RIT2: variants seen among roughly 807,000 people sequenced by gnomAD.
The protein encoded by RIT2 is Ras like without CAAX 2, also known as GTP-binding protein Rit2.
In RIT2, 24 loss-of-function variants were observed where a neutral mutation model predicts 23.7. The ratio of observed to expected loss-of-function variants is 1.01; its 90% CI spans 0.73 to 1.43. RIT2 has a LOEUF of 1.43. Ranked by LOEUF, RIT2 falls within the 40% of genes most tolerant of loss-of-function variation. The probability of loss-of-function intolerance (pLI) is 0.00; values close to 1 mark genes in which losing one functional copy is unlikely to be tolerated. For missense variants in RIT2, 236 were observed against 266.9 expected (o/e 0.88, Z 0.81); for synonymous variants, 107 against 91.1 (o/e 1.17, Z -0.99).
At chr18:42,918,717 G>A (rs1466667262) in intron 4 of RIT2, among the ~76,000 whole-genome samples, 1 of 152,092 alleles carries the variant, frequency 6.6e-6, no homozygotes, top group Non-Finnish European at 1.5e-5. Context: ...TTATGCTTAG[G>A]ACGCTTGATA....
chr18:42,953,839 A>G (rs1216059434), intron 3 of RIT2, among the ~76,000 whole-genome samples: 1 of 152,186 alleles, frequency 6.6e-6, no homozygotes, highest in Non-Finnish European at 1.5e-5. Context: ...ATAATAGTAG[A>G]GACCAGATAA....
At chr18:43,095,342 T>G (rs1171541110) in intron 1 of RIT2, among the ~76,000 whole-genome samples, 1 of 152,032 alleles carries the variant, frequency 6.6e-6, no homozygotes, top group East Asian at 1.9e-4. Flanking sequence ...ATGTGTCTGT[T>G]GGCTGCACGA....
chr18:43,022,567 T>C (rs1442696993), intron 2 of RIT2, among the ~76,000 whole-genome samples: 1 of 152,104 alleles, frequency 6.6e-6, no homozygotes, highest in Non-Finnish European at 1.5e-5. Flanking sequence ...ATGTACCCCA[T>C]TAAATATGCA....
At chr18:43,005,578 T>A (rs1477458085) in intron 2 of RIT2, among the ~76,000 whole-genome samples, 1 of 151,700 alleles carries the variant, frequency 6.6e-6, no homozygotes, top group Non-Finnish European at 1.5e-5. Flanking sequence ...GGCAATGACA[T>A]AAGATAAAAC....
chr18:42,841,325 G>A (rs73470097), intron 4 of RIT2, among the ~76,000 whole-genome samples: 3,066 of 152,174 alleles, frequency 0.02, 92 homozygotes, highest in African/African-American at 0.068. Context: ...CATCCATAAA[G>A]GTTAAACTAA....
chr18:42,884,114 A>G (rs73471671), intron 4 of RIT2, among the ~76,000 whole-genome samples: 3,907 of 152,336 alleles, frequency 0.026, 160 homozygotes, highest in African/African-American at 0.087. Flanking sequence ...AAGCCAGTCA[A>G]TTTGAAAACA....
At chr18:42,828,903 T>C (rs1906379755) in intron 4 of RIT2, among the ~76,000 whole-genome samples, 1 of 152,200 alleles carries the variant, frequency 6.6e-6, no homozygotes, top group Non-Finnish European at 1.5e-5. Flanking sequence ...TAGACTATCT[T>C]AAATAAATCT....
chr18:42,796,871 C>G (rs575957184), intron 4 of RIT2, among the ~76,000 whole-genome samples: 1 of 152,226 alleles, frequency 6.6e-6, no homozygotes, highest in South Asian at 2.1e-4. Flanking sequence ...AACTATAGTT[C>G]CTGCCTCCTT....
At chr18:42,796,610 T>G (rs933079357) in intron 4 of RIT2, among the ~76,000 whole-genome samples, 3 of 152,232 alleles carry the variant, frequency 2.0e-5, no homozygotes, top group Admixed American at 1.3e-4. Flanking sequence ...TTTCTGTTAG[T>G]GATTTTCCAT....
intron 3 of RIT2, chr18:42,948,841 TC>T (rs1157844409): frequency 5.1e-6 from 2 of 389,930 alleles, no homozygotes; most frequent in Non-Finnish European, 9.1e-6. Context: ...CCACCCACTT[TC>T]CTCTCCATTA....
At chr18:42,909,534 A>T (rs894666078) in intron 4 of RIT2, among the ~76,000 whole-genome samples, 94 of 152,246 alleles carry the variant, frequency 6.2e-4, no homozygotes, top group South Asian at 1.7e-3. Context: ...TCACCCTAAT[A>T]CAATAAAACA....
At chr18:42,933,816 G>A (rs1354650730) in intron 3 of RIT2, among the ~76,000 whole-genome samples, 2 of 151,810 alleles carry the variant, frequency 1.3e-5, no homozygotes, top group African/African-American at 2.4e-5. Flanking sequence ...TCAGGAGTTC[G>A]AGACCATCCT....
chr18:43,111,167 G>C (rs114906833), intron 1 of RIT2, among the ~76,000 whole-genome samples: 7,384 of 152,250 alleles, frequency 0.048, 229 homozygotes, highest in South Asian at 0.12. Flanking sequence ...TGGAAATGGA[G>C]ATCATTGTGT....
At chr18:43,003,533 A>C (rs920567319) in intron 2 of RIT2, among the ~76,000 whole-genome samples, 2 of 151,896 alleles carry the variant, frequency 1.3e-5, no homozygotes, top group African/African-American at 4.8e-5. Flanking sequence ...TCACTGAATT[A>C]AAAATAAATT....
chr18:42,848,878 T>C (rs1348660239), intron 4 of RIT2, among the ~76,000 whole-genome samples: 1 of 152,182 alleles, frequency 6.6e-6, no homozygotes, highest in East Asian at 1.9e-4. Context: ...TTTAAGAAAA[T>C]GTCATTGATT....
rs11082305 is a variant in RIT2, at chr18:43,071,695, A to G, written c.104-37828T>C. ...AATGTGTGCTTAAGAAAGCATTTAC[A>G]TTACTATATTACATTTATTAATACT... On this transcript the variant is annotated intron_variant, in intron 1 of 4. Transcript: ENST00000326695. 7.3e-3 allele frequency among the ~76,000 whole-genome samples: 1,119 copies of G among 152,306 alleles called. 8 individuals carry two copies. Among genetic ancestry groups the G allele is most frequent in the Middle Eastern group, 0.038 (11 of 292 alleles).
intron 2 of RIT2, among the ~76,000 whole-genome samples, chr18:43,009,668 A>G (rs1286812870): frequency 1.3e-5 from 2 of 151,652 alleles, no homozygotes; most frequent in Admixed American, 1.3e-4. Flanking sequence ...GCCATTTTTA[A>G]CCAGACTAAA....
In RIT2 at chr18:42,775,389, G is replaced by A. The variant is rs528683962; in HGVS notation, c.427-31669C>T. ...AGGTAGAGACCCAGAAATATTTTAG[G>A]TACCACATTAATAAATGCCATACCC... On this transcript the variant is annotated intron_variant, in intron 4 of 4. Coordinates refer to ENST00000326695, the MANE Select transcript of RIT2 (RefSeq NM_002930.4). 5.3e-5 allele frequency among the ~76,000 whole-genome samples: 8 copies of A among 152,142 alleles called. No individual in the cohort carries two copies. In the South Asian group the frequency reaches 1.5e-3, roughly 28 times the overall value.
chr18:43,094,815 G>C (rs1339880115), intron 1 of RIT2, among the ~76,000 whole-genome samples: 2 of 151,960 alleles, frequency 1.3e-5, no homozygotes, highest in East Asian at 1.9e-4. Flanking sequence ...GTGGTGTTTG[G>C]TTTTCTGTCC....
Sources: allele counts gnomAD v4.1 joint callset (sites outside exome capture counted in the v4.1 genomes callset), GRCh38; gene constraint gnomAD v4.1.1; transcripts MANE v1.5; gene names NCBI Gene and HGNC (gene_info 2026-07-23, HGNC 2026-07-21).